ZNF536: variants seen among roughly 807,000 people sequenced by gnomAD.
The protein encoded by ZNF536 is zinc finger protein 536.
Under a neutral mutation model 84.5 loss-of-function variants are expected in ZNF536, and 13 were observed. The observed-to-expected ratio is 0.15, with a 90% CI of 0.10 to 0.24. The LOEUF (loss-of-function observed/expected upper bound fraction) is 0.24. Among genes scored for constraint, ZNF536 ranks in the 10% least tolerant of loss-of-function variants. The probability of loss-of-function intolerance (pLI) is 1.00; values close to 1 mark genes in which losing one functional copy is unlikely to be tolerated. For missense variants in ZNF536, 1,536 were observed against 1,747.5 expected, an observed-to-expected ratio of 0.88 and a Z score of 2.16; for synonymous variants, 811 against 742.5, an observed-to-expected ratio of 1.09 and a Z score of -1.50.
chr19:30,244,267 G>A (rs555095566), intron 1 of ZNF536, among the ~76,000 whole-genome samples: 14 of 151,388 alleles, frequency 9.2e-5, no homozygotes, highest in South Asian at 2.1e-4. Context: ...TCATTACCCC[G>A]AGTTCTTCAT....
chr19:30,663,402 T>A (rs1467216261), intron 1 of ZNF536, among the ~76,000 whole-genome samples: 2 of 152,230 alleles, frequency 1.3e-5, no homozygotes, highest in Non-Finnish European at 2.9e-5. Context: ...GCATACAGTA[T>A]GTTTCTTAAA....
chr19:30,478,413 A>G (rs576004121), intron 2 of ZNF536, among the ~76,000 whole-genome samples: 44 of 152,158 alleles, frequency 2.9e-4, no homozygotes, highest in African/African-American at 1.0e-3. Context: ...GAGGGGGCCC[A>G]TTCAGAGCCT....
intron 1 of ZNF536, among the ~76,000 whole-genome samples, chr19:30,662,962 C>CTTTTTTTTTTTTTTTTTTTTTTTTTTTT (rs951081577): frequency 6.3e-5 from 5 of 78,760 alleles, no homozygotes; most frequent in Non-Finnish European, 1.3e-4. Flanking sequence ...TTTTTCGTTT[C>CTTTTTTTTTTTTTTTTTTTTTTTTTTTT]TTTTTTTTTT....
At chr19:30,449,030 T>C (rs2052479491) in intron 2 of ZNF536, among the ~76,000 whole-genome samples, 1 of 152,186 alleles carries the variant, frequency 6.6e-6, no homozygotes, top group Non-Finnish European at 1.5e-5. Context: ...GTTCTTTGGC[T>C]CTCCAAACTG....
chr19:30,656,834 G>A (rs930044110), intron 1 of ZNF536, among the ~76,000 whole-genome samples: 1 of 152,188 alleles, frequency 6.6e-6, no homozygotes, highest in South Asian at 2.1e-4. Context: ...GCTCTGCACG[G>A]GGTCAGTCTG....
chr19:30,440,924 T>C (rs2052013290), intron 1 of ZNF536, among the ~76,000 whole-genome samples: 1 of 151,154 alleles, frequency 6.6e-6, no homozygotes, highest in Non-Finnish European at 1.5e-5. Flanking sequence ...GATAGATAGA[T>C]AGATAGATAG....
At chr19:30,270,685 C>T (rs992593451) in intron 1 of ZNF536, among the ~76,000 whole-genome samples, 1 of 151,708 alleles carries the variant, frequency 6.6e-6, no homozygotes, top group Non-Finnish European at 1.5e-5. Flanking sequence ...TGATGAAGCC[C>T]GCTGCTGTTG....
intron 1 of ZNF536, among the ~76,000 whole-genome samples, chr19:30,432,241 T>C (rs946985491): frequency 2.6e-5 from 4 of 152,018 alleles, no homozygotes; most frequent in Admixed American, 6.6e-5. Context: ...CAAACTGCAG[T>C]CCGTGGATGT....
At position 30,471,514 on chromosome 19, in the gene ZNF536, A is replaced by G. The variant is rs117424954; in HGVS notation, c.2170+25782A>G. On this transcript the variant is annotated intron_variant, in intron 2 of 4. Coordinates refer to ENST00000355537, the MANE Select transcript of ZNF536 (RefSeq NM_014717.3). ...GTCCCATGAGACTGGTCTTGTTTGCAGGGCAATTGTCAGATCACCCAGATG... is the reference window on the plus strand; with the variant it reads ...GTCCCATGAGACTGGTCTTGTTTGCGGGGCAATTGTCAGATCACCCAGATG... Among the ~76,000 whole-genome samples the G allele has an allele frequency of 3.7e-4, 56 of 152,332 alleles. 1 individual carries two copies. In the East Asian group the frequency reaches 0.01, roughly 28 times the overall value.
chr19:30,423,063 A>G (rs1489372651), intron 1 of ZNF536, among the ~76,000 whole-genome samples: 1 of 68,496 alleles, frequency 1.5e-5, no homozygotes. Context: ...CCATCCATCC[A>G]TCCTCCCACC....
chr19:30,602,625 T>C (rs1271268938), intron 1 of ZNF536, among the ~76,000 whole-genome samples: 1 of 152,136 alleles, frequency 6.6e-6, no homozygotes, highest in Admixed American at 6.5e-5. Flanking sequence ...CGTGTGCATA[T>C]TTTCATCTTG....
intron 2 of ZNF536, among the ~76,000 whole-genome samples, chr19:30,473,430 C>T (rs1185269243): frequency 8.5e-5 from 13 of 152,118 alleles, no homozygotes; most frequent in Admixed American, 8.5e-4. Flanking sequence ...GTGGCTTATA[C>T]AGACAAGACT....
intron 1 of ZNF536, among the ~76,000 whole-genome samples, chr19:30,283,661 G>T (rs1199596929): frequency 6.6e-6 from 1 of 151,974 alleles, no homozygotes; most frequent in Middle Eastern, 3.2e-3. Context: ...ATCAATCAGG[G>T]AAAAAGCAAG....
chr19:30,649,045 GA>G (rs1454105371), intron 1 of ZNF536, among the ~76,000 whole-genome samples: 1 of 152,158 alleles, frequency 6.6e-6, no homozygotes, highest in African/African-American at 2.4e-5. Context: ...CTGGGGTCCT[GA>G]TTCCATAGTT....
exon 2 of ZNF536, chr19:30,713,075 C>T (rs931194233): frequency 4.6e-5 from 7 of 152,186 alleles, no homozygotes; most frequent in East Asian, 1.9e-4. Flanking sequence ...TCCTCAGATG[C>T]GACAGGCAAT....
chr19:30,263,757 C>T (rs2025347888), intron 1 of ZNF536, among the ~76,000 whole-genome samples: 1 of 151,940 alleles, frequency 6.6e-6, no homozygotes, highest in Admixed American at 6.6e-5. Context: ...TAAAATCAGA[C>T]CCCGCGTTTC....
chr19:30,286,216 G>C (rs2045620159), intron 2 of ZNF536, among the ~76,000 whole-genome samples: 1 of 152,138 alleles, frequency 6.6e-6, no homozygotes, highest in South Asian at 2.1e-4. Context: ...TGTCAACCAA[G>C]GATGACATTA....
At chr19:30,434,726 G>C (rs2051630962) in intron 1 of ZNF536, among the ~76,000 whole-genome samples, 1 of 152,044 alleles carries the variant, frequency 6.6e-6, no homozygotes, top group Non-Finnish European at 1.5e-5. Flanking sequence ...TGATGGTGGT[G>C]GCCATGATAG....
At chr19:30,498,569 A>G (rs904895041) in intron 2 of ZNF536, among the ~76,000 whole-genome samples, 1 of 152,064 alleles carries the variant, frequency 6.6e-6, no homozygotes, top group Non-Finnish European at 1.5e-5. Context: ...AAACCTGCAC[A>G]TCCTGCACAT....
Sources: gnomAD v4.1 joint callset for allele counts (sites outside exome capture counted in the v4.1 genomes callset) on GRCh38, gnomAD v4.1.1 for gene constraint, MANE v1.5 for transcripts, NCBI Gene and HGNC (gene_info 2026-07-23, HGNC 2026-07-21) for gene names.